CENPP: variants seen among roughly 807,000 people sequenced by gnomAD.
CENPP encodes the protein centromere protein P.
CENPP carries 24 observed loss-of-function variants against 35.6 expected under a neutral mutation model. The observed-to-expected ratio is 0.67, with a 90% CI of 0.49 to 0.95. The LOEUF (loss-of-function observed/expected upper bound fraction) is 0.95. Among genes scored for constraint, CENPP ranks in the 40% least tolerant of loss-of-function variants. The pLI, the probability that CENPP is intolerant of heterozygous loss-of-function variation, is 0.00. For synonymous variants in CENPP, 120 were observed against 125.5 expected, an observed-to-expected ratio of 0.96 and a Z score of 0.29; for missense variants, 332 against 345.3, an observed-to-expected ratio of 0.96 and a Z score of 0.31.
chr9:92,359,231 G>C (rs1194208102), intron 4 of CENPP, among the ~76,000 whole-genome samples: 1 of 152,054 alleles, frequency 6.6e-6, no homozygotes, highest in Non-Finnish European at 1.5e-5. Flanking sequence ...TTACAGGCAT[G>C]AGCCACCGTG....
chr9:92,473,421 A>C (rs949394372), intron 5 of CENPP, among the ~76,000 whole-genome samples: 6 of 152,202 alleles, frequency 3.9e-5, no homozygotes, highest in African/African-American at 1.4e-4. Flanking sequence ...GTGCTTTAAC[A>C]TGCACCCACT....
intron 2 of CENPP, among the ~76,000 whole-genome samples, chr9:92,333,969 A>T (rs890848563): frequency 2.0e-5 from 3 of 152,168 alleles, no homozygotes; most frequent in Non-Finnish European, 2.9e-5. Flanking sequence ...ATTTCTCCAA[A>T]CATTTTTTAG....
Position 92,542,648 on chromosome 9 carries a change from C to G in CENPP, c.565-68666C>G, listed in dbSNP as rs1314984716. Among the ~76,000 whole-genome samples the G allele has an allele frequency of 3.3e-5, 5 of 152,260 alleles. No homozygotes were observed. The East Asian group carries it at 9.7e-4, about 29-fold the overall frequency. On this transcript the variant is annotated intron_variant, in intron 5 of 7. Transcript: ENST00000375587. ...TCCCCTGCCTCAGCCTCCCCAGTAGCTGGGACTACAGGCATGCACCACCAC... is the reference window on the plus strand; with the variant it reads ...TCCCCTGCCTCAGCCTCCCCAGTAGGTGGGACTACAGGCATGCACCACCAC...
intron 5 of CENPP, among the ~76,000 whole-genome samples, chr9:92,568,231 C>T (rs937623661): frequency 3.9e-5 from 6 of 152,030 alleles, no homozygotes; most frequent in African/African-American, 1.2e-4. Flanking sequence ...GCTATCCTTC[C>T]CCCTTCCCCC....
intron 5 of CENPP, among the ~76,000 whole-genome samples, chr9:92,527,540 A>G (rs1353202993): frequency 6.6e-6 from 1 of 152,198 alleles, no homozygotes; most frequent in African/African-American, 2.4e-5. Context: ...TAAGTGACAT[A>G]TGACTGTAAT....
At chr9:92,417,765 C>G (rs1843663217) in intron 5 of CENPP, among the ~76,000 whole-genome samples, 1 of 152,086 alleles carries the variant, frequency 6.6e-6, no homozygotes, top group Non-Finnish European at 1.5e-5. Context: ...GTCACCCAGG[C>G]TGGAGTGCAG....
chr9:92,568,236 T>TC (rs1850045236), intron 5 of CENPP, among the ~76,000 whole-genome samples: 1 of 151,710 alleles, frequency 6.6e-6, no homozygotes, highest in Non-Finnish European at 1.5e-5. Flanking sequence ...CCTTCCCCCT[T>TC]CCCCCCACCG....
At chr9:92,417,363 A>G in intron 5 of CENPP, 1 of 1,614,116 alleles carries the variant, frequency 6.2e-7, no homozygotes, top group African/African-American at 1.3e-5. Context: ...GGACAGAAGC[A>G]TTCACTGACA....
At position 92,611,376 on chromosome 9, in the gene CENPP, C is replaced by T. The variant is rs765846544; in HGVS notation, c.627C>T (p.Arg209=). ...EGPSSCSMGI[R]SASRPGFELV... ...CCTCCTCCTGCTCCATGGGGATCCG[C>T]AGCGCCAGCCGGCCAGGGTGAGCCT... is the stretch of plus-strand genomic sequence containing the variant. Residue 209 remains arginine, a synonymous_variant, in exon 6 of 8, where the codon CGC becomes CGT. Coordinates refer to ENST00000375587, the MANE Select transcript of CENPP (RefSeq NM_001012267.3). The T allele has an allele frequency of 1.9e-6, 3 of 1,613,276 alleles. No homozygotes were observed. The highest frequency in any genetic ancestry group is 2.5e-6 in the Non-Finnish European group (3 of 1,179,936).
chr9:92,463,934 A>C (rs750384634), intron 5 of CENPP, among the ~76,000 whole-genome samples: 1 of 152,222 alleles, frequency 6.6e-6, no homozygotes, highest in East Asian at 1.9e-4. Flanking sequence ...CTTGATTAAT[A>C]ATAACAGCTT....
chr9:92,338,216 G>A (rs1407093063), intron 3 of CENPP, among the ~76,000 whole-genome samples: 1 of 152,116 alleles, frequency 6.6e-6, no homozygotes, highest in Non-Finnish European at 1.5e-5. Flanking sequence ...GGAGGCTGAG[G>A]TAGAAGGATT....
rs1358607934 is a variant in CENPP at position 92,617,297 on chromosome 9, A to G, written c.*4148A>G. 6.6e-6 allele frequency: 1 copy of G among 152,228 alleles called. No homozygotes were observed. Among genetic ancestry groups the G allele is most frequent in the Non-Finnish European group, 1.5e-5 (1 of 68,110 alleles). 9.4% of individuals were successfully genotyped at this position (152,228 alleles called of 1,614,324 possible). ...GCTGGAACAGTCACATCCCCAGCCCATGACTAGGGTTACGTATTTTAAAGG... is the reference window on the plus strand; with the variant it reads ...GCTGGAACAGTCACATCCCCAGCCCGTGACTAGGGTTACGTATTTTAAAGG... On this transcript the variant is annotated 3_prime_UTR_variant, in exon 8 of 8. Transcript: ENST00000375587.
intron 4 of CENPP, among the ~76,000 whole-genome samples, chr9:92,349,412 T>A (rs968865542): frequency 2.7e-5 from 4 of 150,794 alleles, no homozygotes; most frequent in South Asian, 2.1e-4. Context: ...TTTTTTTATT[T>A]TTTTTTTTTT....
chr9:92,374,552 A>T (rs1842083597), intron 4 of CENPP, among the ~76,000 whole-genome samples: 1 of 152,166 alleles, frequency 6.6e-6, no homozygotes, highest in Non-Finnish European at 1.5e-5. Context: ...TTAATACTAA[A>T]CTAGATTGGC....
chr9:92,480,128 C>A (rs1845861793), intron 5 of CENPP, among the ~76,000 whole-genome samples: 1 of 152,188 alleles, frequency 6.6e-6, no homozygotes, highest in Admixed American at 6.5e-5. Context: ...ATTAAATCTT[C>A]TTCTCAGGAA....
intron 5 of CENPP, among the ~76,000 whole-genome samples, chr9:92,594,406 T>A (rs1306319452): frequency 6.6e-6 from 1 of 152,198 alleles, no homozygotes; most frequent in Non-Finnish European, 1.5e-5. Flanking sequence ...CAGCACGGCG[T>A]GTCTGAGCCT....
At chr9:92,374,547 A>G (rs1464979980) in intron 4 of CENPP, among the ~76,000 whole-genome samples, 2 of 152,186 alleles carry the variant, frequency 1.3e-5, no homozygotes, top group East Asian at 3.8e-4. Flanking sequence ...TTAAATTAAT[A>G]CTAAACTAGA....
chr9:92,612,038 G>A (rs192841757), intron 6 of CENPP, among the ~76,000 whole-genome samples: 1,679 of 152,288 alleles, frequency 0.011, 22 homozygotes, highest in Non-Finnish European at 0.019. Context: ...TCATCCTCCC[G>A]GAGGGGATCA....
chr9:92,524,607 C>T (rs1848279849), intron 5 of CENPP, among the ~76,000 whole-genome samples: 1 of 152,178 alleles, frequency 6.6e-6, no homozygotes, highest in Admixed American at 6.5e-5. Flanking sequence ...CCCCTTGCAG[C>T]TTTCCTCCTG....
Sources: allele counts gnomAD v4.1 joint callset (sites outside exome capture counted in the v4.1 genomes callset), GRCh38; gene constraint gnomAD v4.1.1; transcripts MANE v1.5; gene names NCBI Gene and HGNC (gene_info 2026-07-23, HGNC 2026-07-21).